The following KCNIP1 variants were observed in gnomAD, a reference collection of about 807,000 sequenced individuals.
KCNIP1 encodes potassium voltage-gated channel interacting protein 1.
A neutral mutation model predicts 33.0 loss-of-function variants in KCNIP1; 18 were observed. The observed-to-expected ratio is 0.55, with a 90% CI of 0.38 to 0.81. The LOEUF (loss-of-function observed/expected upper bound fraction) is 0.81, where lower values mean the gene tolerates loss of function less well. Among genes scored for constraint, KCNIP1 ranks in the 30% least tolerant of loss-of-function variants. The pLI, the probability that KCNIP1 is intolerant of heterozygous loss-of-function variation, is 0.00. For missense variants in KCNIP1, 238 were observed against 271.6 expected, an observed-to-expected ratio of 0.88 and a Z score of 0.87; for synonymous variants, 93 against 98.3, an observed-to-expected ratio of 0.95 and a Z score of 0.32.
intron 1 of KCNIP1, among the ~76,000 whole-genome samples, chr5:170,698,599 C>A (rs1215045099): frequency 1.3e-5 from 2 of 152,064 alleles, no homozygotes; most frequent in Non-Finnish European, 2.9e-5. Context: ...CCATTCTGAT[C>A]ACTGCAAGAC....
chr5:170,618,361 G>A (rs1441520989), intron 1 of KCNIP1, among the ~76,000 whole-genome samples: 1 of 150,704 alleles, frequency 6.6e-6, no homozygotes, highest in East Asian at 2.0e-4. Context: ...TCCACATAGA[G>A]CCTAGCAAGA....
chr5:170,669,497 A>G, intron 1 of KCNIP1: 2 of 983,990 alleles, frequency 2.0e-6, no homozygotes, highest in Non-Finnish European at 2.4e-6. Flanking sequence ...TTCTTTCCCC[A>G]GAACTACCTT....
At chr5:170,597,679 T>C (rs1758491390) in intron 1 of KCNIP1, among the ~76,000 whole-genome samples, 1 of 151,882 alleles carries the variant, frequency 6.6e-6, no homozygotes, top group Admixed American at 6.6e-5. Context: ...TCATGGCTGA[T>C]CTAGAGCCAC....
At chr5:170,620,210 T>TC (rs1759549779) in intron 1 of KCNIP1, among the ~76,000 whole-genome samples, 1 of 152,196 alleles carries the variant, frequency 6.6e-6, no homozygotes, top group Non-Finnish European at 1.5e-5. Flanking sequence ...TGATGTGTCT[T>TC]CCAACACATG....
chr5:170,667,807 T>C (rs1761762954), intron 1 of KCNIP1, among the ~76,000 whole-genome samples: 1 of 152,198 alleles, frequency 6.6e-6, no homozygotes, highest in African/African-American at 2.4e-5. Flanking sequence ...TAGCACAGAG[T>C]AAGCAGCCAA....
intron 1 of KCNIP1, among the ~76,000 whole-genome samples, chr5:170,495,023 T>C (rs1194060140): frequency 2.0e-5 from 3 of 152,238 alleles, no homozygotes; most frequent in Admixed American, 2.0e-4. Flanking sequence ...CACTCTGATG[T>C]ACCAGAAAGT....
At chr5:170,494,374 G>A (rs374029463) in intron 1 of KCNIP1, among the ~76,000 whole-genome samples, 123 of 152,244 alleles carry the variant, frequency 8.1e-4, no homozygotes, top group African/African-American at 2.7e-3. Context: ...AAAAGAACTC[G>A]GCTTGAAGGA....
intron 1 of KCNIP1, among the ~76,000 whole-genome samples, chr5:170,395,947 G>C (rs1344726661): frequency 6.6e-6 from 1 of 152,218 alleles, no homozygotes; most frequent in African/African-American, 2.4e-5. Context: ...GTGTGCTGCA[G>C]CTGGCTCACA....
intron 1 of KCNIP1, among the ~76,000 whole-genome samples, chr5:170,694,838 T>C (rs1762838373): frequency 6.6e-6 from 1 of 152,208 alleles, no homozygotes; most frequent in Admixed American, 6.5e-5. Context: ...GTCCATGAGC[T>C]CTGTCCGCAA....
At chr5:170,598,109 C>T (rs189489924) in intron 1 of KCNIP1, among the ~76,000 whole-genome samples, 2 of 152,108 alleles carry the variant, frequency 1.3e-5, no homozygotes, top group Admixed American at 6.5e-5. Flanking sequence ...CTGTCTCTAG[C>T]CCTTCAATCA....
intron 1 of KCNIP1, among the ~76,000 whole-genome samples, chr5:170,533,384 C>T (rs1051306083): frequency 2.6e-5 from 4 of 152,194 alleles, no homozygotes; most frequent in African/African-American, 7.2e-5. Flanking sequence ...TGCAATCCTA[C>T]GCTGCGGGTA....
intron 1 of KCNIP1, among the ~76,000 whole-genome samples, chr5:170,707,077 G>A (rs1171689842): frequency 1.3e-5 from 2 of 151,344 alleles, no homozygotes; most frequent in Non-Finnish European, 2.9e-5. Flanking sequence ...AAATACACTA[G>A]CTGGTGGCAG....
At chr5:170,605,137 C>A (rs1758855492) in intron 1 of KCNIP1, among the ~76,000 whole-genome samples, 1 of 152,186 alleles carries the variant, frequency 6.6e-6, no homozygotes, top group African/African-American at 2.4e-5. Flanking sequence ...TTAGCTCCCT[C>A]ATTTCAGAAT....
chr5:170,673,589 A>G (rs1239320204), intron 1 of KCNIP1, among the ~76,000 whole-genome samples: 1 of 152,212 alleles, frequency 6.6e-6, no homozygotes, highest in African/African-American at 2.4e-5. Context: ...TATGCTGTTA[A>G]GTGGGCTCTG....
intron 1 of KCNIP1, among the ~76,000 whole-genome samples, chr5:170,553,907 T>A (rs967301582): frequency 3.3e-5 from 5 of 152,212 alleles, no homozygotes; most frequent in African/African-American, 4.8e-5. Context: ...CCGTGAGATG[T>A]TTACATCCAA....
intron 1 of KCNIP1, among the ~76,000 whole-genome samples, chr5:170,591,806 T>C (rs934883572): frequency 1.3e-5 from 2 of 152,246 alleles, no homozygotes; most frequent in African/African-American, 4.8e-5. Flanking sequence ...AATTTTTCAT[T>C]ATAAGTATAT....
chr5:170,585,621 A>G (rs1757958851), intron 1 of KCNIP1, among the ~76,000 whole-genome samples: 2 of 151,732 alleles, frequency 1.3e-5, no homozygotes, highest in African/African-American at 4.8e-5. Flanking sequence ...CCCGCCCCGG[A>G]AATGGTTCTG....
At chr5:170,599,379 G>A (rs528612858) in intron 1 of KCNIP1, among the ~76,000 whole-genome samples, 7 of 152,124 alleles carry the variant, frequency 4.6e-5, no homozygotes, top group Non-Finnish European at 8.8e-5. Flanking sequence ...GAGGAATCGC[G>A]TGCAATGTCA....
intron 1 of KCNIP1, among the ~76,000 whole-genome samples, chr5:170,598,258 G>A (rs1228890977): frequency 2.0e-5 from 3 of 152,170 alleles, no homozygotes; most frequent in South Asian, 4.1e-4. Flanking sequence ...AAGGGAAGCT[G>A]GGAGGAGGCA....
Sources: allele counts gnomAD v4.1 joint callset (sites outside exome capture counted in the v4.1 genomes callset), GRCh38; gene constraint gnomAD v4.1.1; transcripts MANE v1.5; gene names NCBI Gene and HGNC (gene_info 2026-07-23, HGNC 2026-07-21).